The following SYMPK variants were observed in gnomAD, a reference collection of about 807,000 sequenced individuals.
SYMPK encodes symplekin.
In SYMPK, 49 loss-of-function variants were observed where a neutral mutation model predicts 136.4. That is an observed-to-expected ratio of 0.36 (90% CI 0.29 to 0.46). SYMPK has a LOEUF of 0.46. Ranked by LOEUF, SYMPK falls within the 20% of genes least tolerant of loss-of-function variation. The pLI is 1.00. For missense variants in SYMPK, 1,365 were observed against 1,690.0 expected (o/e 0.81, Z 3.37); for synonymous variants, 766 against 713.0 (o/e 1.07, Z -1.19).
intron 8 of SYMPK, 158 bp from the exon 9 acceptor site, chr19:45,842,647 C>G: frequency 1.0e-6 from 1 of 980,914 alleles, no homozygotes; most frequent in Non-Finnish European, 1.5e-6. Context: ...GCCTTACAAG[C>G]TGATGCTTCA....
At chr19:45,837,860 G>A (rs568661318) in intron 10 of SYMPK, among the ~76,000 whole-genome samples, 5 of 152,134 alleles carry the variant, frequency 3.3e-5, no homozygotes, top group African/African-American at 1.2e-4. Context: ...GGAACTGGGA[G>A]GGGCCTGGAG....
chr19:45,863,059 G>A lies in SYMPK; in HGVS notation c.-14C>T. On this transcript the variant is annotated splice_region_variant and 5_prime_UTR_variant, in exon 1 of 27. Transcript: ENST00000245934. Reference sequence around the variant, plus strand: ...GCCCAAACGCCGCCTCCCGCTCACCGCAGCTCTGGCCTCCGTTCCCCTCGC... The same window carrying A: ...GCCCAAACGCCGCCTCCCGCTCACCACAGCTCTGGCCTCCGTTCCCCTCGC... 1 of 332,470 alleles carries A rather than the reference G, an allele frequency of 3.0e-6. No homozygotes were observed. The highest frequency in any genetic ancestry group is 1.4e-4 in the South Asian group (1 of 7,326). The allele number at this position is 332,470 out of a possible 1,614,324, so 20.6% of individuals were successfully genotyped here. A position where few individuals can be genotyped will look rare whatever the true frequency, so the allele number is the denominator to read the frequency against.
intron 5 of SYMPK, 94 bp from the exon 6 acceptor site, chr19:45,848,970 C>G (rs1300268167): frequency 6.7e-7 from 1 of 1,485,978 alleles, no homozygotes; most frequent in African/African-American, 1.4e-5. Flanking sequence ...AATCAGGGAC[C>G]TGTCTCAGGG....
At chr19:45,836,604 C>A (rs1971307123) in intron 10 of SYMPK, among the ~76,000 whole-genome samples, 1 of 151,454 alleles carries the variant, frequency 6.6e-6, no homozygotes, top group Admixed American at 6.6e-5. Context: ...ACACTCCAGC[C>A]TGGGCAACAG....
rs1971836829 is a variant in SYMPK at position 45,856,984 on chromosome 19, GGC to G, written c.-12-2479_-12-2478del. Among the ~76,000 whole-genome samples, 12 of 151,896 alleles carry G rather than the reference GGC, an allele frequency of 7.9e-5. No homozygotes were observed. In the South Asian group the frequency reaches 2.5e-3, roughly 32 times the overall value. On this transcript the variant is annotated intron_variant, in intron 1 of 26. Coordinates refer to ENST00000245934, the MANE Select transcript of SYMPK (RefSeq NM_004819.3). ...AACATACAAATTAGACAGGCATGGT[GGC>G]GCATACCTATAATCCCACCTACTTG...
intron 11 of SYMPK, among the ~76,000 whole-genome samples, chr19:45,834,585 A>G (rs772031931): frequency 3.9e-5 from 6 of 152,192 alleles, no homozygotes; most frequent in Non-Finnish European, 8.8e-5. Context: ...ATACCTCATT[A>G]TGTATATGCA....
intron 1 of SYMPK, 55 bp from the exon 2 acceptor site, chr19:45,854,562 T>G (rs1007291131): frequency 6.9e-6 from 10 of 1,448,342 alleles, no homozygotes; most frequent in Non-Finnish European, 8.6e-6. Flanking sequence ...GCGGATGGGC[T>G]GGGCTGGATT....
chr19:45,853,613 CA>C (rs113932332), intron 3 of SYMPK, among the ~76,000 whole-genome samples: 24,275 of 124,218 alleles, frequency 0.2, 1,977 homozygotes, highest in Admixed American at 0.23. Context: ...GACTCTGCCT[CA>C]AAAAAAAAAA....
intron 9 of SYMPK, among the ~76,000 whole-genome samples, chr19:45,839,878 G>C (rs1971394696): frequency 6.6e-6 from 1 of 151,952 alleles, no homozygotes; most frequent in African/African-American, 2.4e-5. Flanking sequence ...ACCACTGGGT[G>C]AACGTTTAAA....
At chr19:45,830,372 G>T (rs967999488) in intron 12 of SYMPK, 168 bp from the exon 13 acceptor site, 9 of 762,728 alleles carry the variant, frequency 1.2e-5, no homozygotes, top group Non-Finnish European at 1.9e-5. Context: ...CGGTGGGTAA[G>T]AGGAAGGAAG....
chr19:45,852,169 G>T, intron 5 of SYMPK, 143 bp downstream of exon 5: 1 of 818,042 alleles, frequency 1.2e-6, no homozygotes, highest in Non-Finnish European at 2.0e-6. Context: ...TTAAGTATTT[G>T]CTGGGGAATC....
rs144772956 is a variant in SYMPK, at chr19:45,844,189, C to G, written c.688G>C (p.Glu230Gln). 1.8e-4 allele frequency: 289 copies of G among 1,600,470 alleles called. No individual in the cohort carries two copies. The highest frequency in any genetic ancestry group is 1.9e-4 in the Non-Finnish European group (224 of 1,173,680). The change falls in exon 8 of 27, where the codon GAA becomes CAA. Residue 230 changes from glutamate (E) to glutamine (Q), a missense_variant. By Grantham distance (29) the Glu-to-Gln change is conservative (BLOSUM62 2). Coordinates refer to ENST00000245934, the MANE Select transcript of SYMPK (RefSeq NM_004819.3). ...TGCTCCAAGGCTGCCTTGCCCTCTT[C>G]CCATAGCACGTCTAAGAGACAGAGA... ...HPYIQYNVLWEEGKAALEQLL... is the reference protein window; with the variant it reads ...HPYIQYNVLWQEGKAALEQLL...
At chr19:45,861,961 C>G (rs1393994534) in intron 1 of SYMPK, 1 of 150,828 alleles carries the variant, frequency 6.6e-6, no homozygotes, top group Non-Finnish European at 1.5e-5. Context: ...GGGAGAATCA[C>G]TTGAACCAGG....
rs1490247189 is a variant in SYMPK, at chr19:45,821,998, G to A, written c.2792-513C>T. 6.6e-6 allele frequency among the ~76,000 whole-genome samples: 1 copy of A among 151,996 alleles called. No individual in the cohort carries two copies. The highest frequency in any genetic ancestry group is 1.5e-5 in the Non-Finnish European group (1 of 68,028). On this transcript the variant is annotated intron_variant, in intron 21 of 26. Transcript: ENST00000245934. The surrounding 1 kb of genome is among the most constrained non-coding windows in gnomAD (Gnocchi z 4.4). ...TGGTCCCAGAGCCATCTATATGTGTGTTTTAAACCACCAGGGTCTGCGTGG... is the reference window on the plus strand; with the variant it reads ...TGGTCCCAGAGCCATCTATATGTGTATTTTAAACCACCAGGGTCTGCGTGG...
At chr19:45,816,602 G>A (rs1366178643) in intron 24 of SYMPK, 25 bp from the exon 25 acceptor site, 5 of 1,612,666 alleles carry the variant, frequency 3.1e-6, no homozygotes, top group Admixed American at 1.7e-5. Context: ...GGAAGGGGGC[G>A]CTGGGGGCAG....
At chr19:45,824,349 C>T (rs1430185671) in intron 18 of SYMPK, among the ~76,000 whole-genome samples, 3 of 152,142 alleles carry the variant, frequency 2.0e-5, no homozygotes, top group Non-Finnish European at 4.4e-5. Context: ...TGCCCAGTAA[C>T]GTTTACGCTC....
chr19:45,830,211 G>A lies in SYMPK; in HGVS notation c.1599-7C>T. On this transcript the variant is annotated splice_region_variant and splice_polypyrimidine_tract_variant and intron_variant, in intron 12 of 26. Coordinates refer to ENST00000245934, the MANE Select transcript of SYMPK (RefSeq NM_004819.3). ...CCCACCAGCGCCTGCCAGCCTGTGT[G>A]GAAGAGCAGTGACAGAGATGCAGTG... 2.5e-6 allele frequency: 4 copies of A among 1,608,428 alleles called. No homozygotes were observed. The highest frequency in any genetic ancestry group is 3.4e-6 in the Non-Finnish European group (4 of 1,176,624).
chr19:45,817,417 C>CTCTTTT (rs1568605965), intron 23 of SYMPK, among the ~76,000 whole-genome samples: 7 of 108,478 alleles, frequency 6.5e-5, no homozygotes, highest in African/African-American at 1.8e-4. Context: ...TTTTTGTTCT[C>CTCTTTT]TTTTTTTTTT....
intron 9 of SYMPK, among the ~76,000 whole-genome samples, chr19:45,841,082 C>T (rs1348985054): frequency 1.3e-5 from 2 of 151,408 alleles, no homozygotes; most frequent in Non-Finnish European, 2.9e-5. Context: ...GCCCCCAGTT[C>T]AAGCAATTCT....
Sources: gnomAD v4.1 joint callset for allele counts (sites outside exome capture counted in the v4.1 genomes callset) on GRCh38, gnomAD v4.1.1 for gene constraint, Gnocchi (gnomAD v3.1) non-coding constraint, MANE v1.5 for transcripts, NCBI Gene and HGNC (gene_info 2026-07-23, HGNC 2026-07-21) for gene names.